The following ADGRA1 variants were observed in gnomAD, a reference collection of about 807,000 sequenced individuals.
ADGRA1 encodes the protein G-protein coupled receptor 123.
ADGRA1 carries 12 observed loss-of-function variants against 21.3 expected under a neutral mutation model. That is an observed-to-expected ratio of 0.56 (90% CI 0.36 to 0.91). The LOEUF (loss-of-function observed/expected upper bound fraction) is 0.91. ADGRA1 is among the 40% of genes least tolerant of loss of function. ADGRA1 has a pLI of 0.01. For missense variants in ADGRA1, 790 were observed against 805.6 expected (o/e 0.98, Z 0.23); for synonymous variants, 385 against 368.8 (o/e 1.04, Z -0.50).
intron 6 of ADGRA1, 51 bp downstream of exon 6, chr10:133,127,382 G>A (rs1852397448): frequency 1.4e-6 from 2 of 1,381,804 alleles, no homozygotes; most frequent in East Asian, 5.2e-5. Context: ...GGTGGGCTCT[G>A]CCTGAGGTCC....
intron 2 of ADGRA1, among the ~76,000 whole-genome samples, chr10:133,094,455 C>T (rs1265533757): frequency 6.6e-6 from 1 of 152,194 alleles, no homozygotes; most frequent in Admixed American, 6.5e-5. Flanking sequence ...CACCGCCCCT[C>T]GCCCCCGTAG....
Position 133,119,590 on chromosome 10 carries a change from A to G in ADGRA1, c.402-7643A>G, listed in dbSNP as rs185039136. On this transcript the variant is annotated intron_variant, in intron 5 of 6. Transcript: ENST00000392607. The stretch of plus-strand genomic sequence containing the variant: ...GAAATAGTCTCAATCCTTTGTTGTC[A>G]TTTCAGTAATGTCCACGGCATCTTC... 3.6e-4 allele frequency among the ~76,000 whole-genome samples: 55 copies of G among 152,286 alleles called. No homozygotes were observed. The East Asian group carries it at 6.8e-3, about 19-fold the overall frequency.
chr10:133,123,507 G>A (rs1269629532), intron 5 of ADGRA1, among the ~76,000 whole-genome samples: 1 of 152,182 alleles, frequency 6.6e-6, no homozygotes, highest in East Asian at 1.9e-4. Context: ...CACCCCCTGT[G>A]AGCAGCAGCA....
chr10:133,092,791 A>T (rs1335540407), intron 2 of ADGRA1, among the ~76,000 whole-genome samples: 1 of 134,880 alleles, frequency 7.4e-6, no homozygotes, highest in Non-Finnish European at 1.6e-5. Context: ...GGAAGGAAGG[A>T]AGGAAGAGAG....
chr10:133,124,400 C>T (rs1304582110), intron 5 of ADGRA1, among the ~76,000 whole-genome samples: 4 of 152,208 alleles, frequency 2.6e-5, no homozygotes, highest in African/African-American at 4.8e-5. Flanking sequence ...AGGATTTCAC[C>T]GAGATTCAGA....
At position 133,130,844 on chromosome 10, in the gene ADGRA1, A is replaced by G. The variant is rs1285830567; in HGVS notation, c.*1333A>G. 1 of 144,886 alleles carries G rather than the reference A, an allele frequency of 6.9e-6. No individual in the cohort carries two copies. Among genetic ancestry groups the G allele is most frequent in the Non-Finnish European group, 1.5e-5 (1 of 67,002 alleles). The allele number at this position is 144,886 out of a possible 1,614,324, so 9.0% of individuals were successfully genotyped here. A position where few individuals can be genotyped will look rare whatever the true frequency, so the allele number is the denominator to read the frequency against. ...ACACACCCAAACACGTGCATATCAC[A>G]CACACGCACACACACAAACACGTGC... is the stretch of plus-strand genomic sequence containing the variant. On this transcript the variant is annotated 3_prime_UTR_variant, in exon 7 of 7. Transcript: ENST00000392607.
intron 5 of ADGRA1, among the ~76,000 whole-genome samples, chr10:133,111,931 G>GACCACC (rs1564849632): frequency 9.5e-5 from 1 of 10,532 alleles, no homozygotes; most frequent in Non-Finnish European, 1.8e-4. Flanking sequence ...CCTGCCCGCC[G>GACCACC]TGAGCACCTC....
chr10:133,111,641 A>G (rs369613507), intron 5 of ADGRA1, among the ~76,000 whole-genome samples: 43 of 2,714 alleles, frequency 0.016, 4 homozygotes, highest in Admixed American at 0.085. Flanking sequence ...CCCACCACGG[A>G]CACCTCCCTC....
At chr10:133,111,097 GCTCCCCTCCT>G (rs1851983340) in intron 5 of ADGRA1, among the ~76,000 whole-genome samples, 1 of 136,282 alleles carries the variant, frequency 7.3e-6, no homozygotes, top group East Asian at 2.1e-4. Flanking sequence ...GCCATGGGCA[GCTCCCCTCCT>G]AATCCTGCTG....
At chr10:133,109,888 G>A (rs530869320) in intron 5 of ADGRA1, among the ~76,000 whole-genome samples, 72 of 152,350 alleles carry the variant, frequency 4.7e-4, no homozygotes, top group Admixed American at 2.7e-3. Flanking sequence ...CACACTGCCC[G>A]TCATGCAGTG....
intron 5 of ADGRA1, among the ~76,000 whole-genome samples, chr10:133,125,002 G>T (rs1420733012): frequency 6.6e-6 from 1 of 152,218 alleles, no homozygotes; most frequent in African/African-American, 2.4e-5. Context: ...TGTGTGCTGT[G>T]GGTCCATCCT....
chr10:133,128,556 C>T lies in ADGRA1; in HGVS notation c.728C>T (p.Ala243Val). Residue 243 changes from alanine (A) to valine (V), a missense_variant, in exon 7 of 7, where the codon GCC (alanine) becomes GTC (valine). Coordinates refer to ENST00000392607, the MANE Select transcript of ADGRA1 (RefSeq NM_001083909.3). ...CCACCCGCACACGATGCCCCCGGCG[C>T]CTCCGTGCTGCAGAACGAGCACTCA... ...GTPPAHDAPG[A>V]SVLQNEHSFQ... 1 of 1,560,014 alleles carries T rather than the reference C, an allele frequency of 6.4e-7. No individual in the cohort carries two copies. The highest frequency in any genetic ancestry group is 8.7e-7 in the Non-Finnish European group (1 of 1,154,478).
chr10:133,129,322 G>C lies in ADGRA1; in HGVS notation c.1494G>C (p.Thr498=), dbSNP rs1191690718. 2 of 1,562,296 alleles carry C rather than the reference G, an allele frequency of 1.3e-6. No individual in the cohort carries two copies. Among genetic ancestry groups the C allele is most frequent in the Admixed American group, 3.8e-5 (2 of 52,578 alleles). Reference sequence around the variant, plus strand: ...GCCCTGCCCTCTACAGCTGCCCCACGCAGCCGGGCAGGGAGGCAGCGCTCG... The same window carrying C: ...GCCCTGCCCTCTACAGCTGCCCCACCCAGCCGGGCAGGGAGGCAGCGCTCG... The part of the protein sequence containing the change: ...DGSPALYSCP[T]QPGREAALGP... Residue 498 remains threonine, a synonymous_variant, in exon 7 of 7, where the codon ACG becomes ACC. Transcript: ENST00000392607.
chr10:133,118,227 C>G (rs1057188836), intron 5 of ADGRA1, among the ~76,000 whole-genome samples: 1 of 152,202 alleles, frequency 6.6e-6, no homozygotes, highest in African/African-American at 2.4e-5. Context: ...AGCGGATGTA[C>G]GGTCCATGGA....
Position 133,098,662 on chromosome 10 carries a change from G to T in ADGRA1, c.154G>T (p.Gly52Cys), listed in dbSNP as rs1223726582. 1.2e-6 allele frequency: 2 copies of T among 1,610,556 alleles called. No homozygotes were observed. Among genetic ancestry groups the T allele is most frequent in the Non-Finnish European group, 1.7e-6 (2 of 1,179,884 alleles). ...CAGCGCCATCCGCATCAGCCGCAAG[G>T]GCCGGCACACGCTCCTGAATTTCTG... ...HQSAIRISRK[G>C]RHTLLNFCFH... is the part of the protein sequence containing the mutation. The change falls in exon 4 of 7, where the codon GGC (glycine) becomes TGC (cysteine). Residue 52 changes from glycine (G) to cysteine (C), a missense_variant. Gly to Cys is a radical substitution (Grantham distance 159). Coordinates refer to ENST00000392607, the MANE Select transcript of ADGRA1 (RefSeq NM_001083909.3).
intron 5 of ADGRA1, among the ~76,000 whole-genome samples, chr10:133,121,702 G>GT (rs1852264281): frequency 6.8e-6 from 1 of 147,476 alleles, no homozygotes. Flanking sequence ...CTGTGCATGT[G>GT]GAGTGTGCCA....
At chr10:133,098,355 C>T (rs1215975873) in intron 3 of ADGRA1, among the ~76,000 whole-genome samples, 1 of 152,186 alleles carries the variant, frequency 6.6e-6, no homozygotes, top group South Asian at 2.1e-4. Flanking sequence ...CTCAGGGCCT[C>T]GGTGTCTTCA....
In ADGRA1 at chr10:133,128,229, C is replaced by T. The variant is rs1055129311; in HGVS notation, c.501-100C>T. ...CCCAAGCCGCAGCTGTGCAAAGCCA[C>T]TCGCTAGGCCGGGTGGGTGCAGGGC... On this transcript the variant is annotated intron_variant, in intron 6 of 6. Coordinates refer to ENST00000392607, the MANE Select transcript of ADGRA1 (RefSeq NM_001083909.3). 5.6e-6 allele frequency: 5 copies of T among 892,574 alleles called. No homozygotes were observed. In the East Asian group the frequency reaches 1.5e-4, roughly 26 times the overall value. 55.3% of individuals were successfully genotyped at this position (892,574 alleles called of 1,614,324 possible). A position where few individuals can be genotyped will look rare whatever the true frequency, so the allele number is the denominator to read the frequency against.
chr10:133,118,550 T>C (rs1852198180), intron 5 of ADGRA1, among the ~76,000 whole-genome samples: 1 of 152,122 alleles, frequency 6.6e-6, no homozygotes, highest in Admixed American at 6.5e-5. Flanking sequence ...AGCAGCACCT[T>C]CTTCACAAGG....
Sources: allele counts gnomAD v4.1 joint callset (sites outside exome capture counted in the v4.1 genomes callset), GRCh38; gene constraint gnomAD v4.1.1; transcripts MANE v1.5; gene names NCBI Gene and HGNC (gene_info 2026-07-23, HGNC 2026-07-21).